Variants in CRYBG1 observed in about 807,000 individuals in gnomAD.
CRYBG1 encodes beta/gamma crystallin domain-containing protein 1.
CRYBG1 carries 139 observed loss-of-function variants against 189.2 expected under a neutral mutation model. That is an observed-to-expected ratio of 0.73 (90% CI 0.64 to 0.85). The LOEUF (loss-of-function observed/expected upper bound fraction) is 0.85. CRYBG1 is among the 40% of genes least tolerant of loss of function. CRYBG1 has a pLI of 0.00. For missense variants in CRYBG1, 2,611 were observed against 2,675.8 expected (o/e 0.98, Z 0.53); for synonymous variants, 1,023 against 1,017.1 (o/e 1.01, Z -0.11).
intron 1 of CRYBG1, among the ~76,000 whole-genome samples, chr6:106,407,227 G>T (rs1234999311): frequency 6.6e-6 from 1 of 151,998 alleles, no homozygotes; most frequent in African/African-American, 2.4e-5. Flanking sequence ...AAAAGCAGGG[G>T]TTGCAATCCT....
intron 2 of CRYBG1, among the ~76,000 whole-genome samples, chr6:106,467,260 C>T (rs1015639120): frequency 6.6e-6 from 1 of 151,696 alleles, no homozygotes; most frequent in African/African-American, 2.4e-5. Context: ...CTCAGGAATT[C>T]GAGACCAGCA....
chr6:106,402,569 T>C (rs1288699408), intron 1 of CRYBG1, among the ~76,000 whole-genome samples: 1 of 138,962 alleles, frequency 7.2e-6, no homozygotes. Context: ...ATTTAATAAA[T>C]GGTGCTGGGA....
At chr6:106,429,872 T>C (rs1295575209) in intron 1 of CRYBG1, among the ~76,000 whole-genome samples, 1 of 152,242 alleles carries the variant, frequency 6.6e-6, no homozygotes. Flanking sequence ...AATGTAGTTA[T>C]TACTATTAAA....
chr6:106,512,567 C>T lies in CRYBG1; in HGVS notation c.1450C>T (p.Pro484Ser), dbSNP rs751459745. The T allele has an allele frequency of 3.7e-6, 6 of 1,607,158 alleles. No individual in the cohort carries two copies. Among genetic ancestry groups the T allele is most frequent in the Middle Eastern group, 1.7e-4 (1 of 6,050 alleles). The change falls in exon 3 of 22, where the codon CCA becomes TCA. Residue 484 changes from proline (P) to serine (S), a missense_variant. Physicochemically the swap from Pro to Ser is moderately conservative, Grantham distance 74. This residue lies in a region of CRYBG1 where 985 missense variants were observed against 924.4 expected (regional missense o/e 1.07). Coordinates refer to ENST00000633556, the MANE Select transcript of CRYBG1 (RefSeq NM_001371242.2). ...LDGGVASAAS[P>S]ESKPSPGTKG... is the part of the protein sequence containing the mutation. ...CGGGGGCGTTGCCTCCGCTGCGAGC[C>T]CAGAGTCCAAGCCCAGCCCCGGTAC...
chr6:106,387,641 C>T (rs1009633621), intron 1 of CRYBG1, among the ~76,000 whole-genome samples: 4 of 152,138 alleles, frequency 2.6e-5, no homozygotes, highest in Admixed American at 6.5e-5. Context: ...TCTGCTCAAC[C>T]CCAGATGGAT....
chr6:106,368,495 C>T (rs1769947749), intron 1 of CRYBG1, among the ~76,000 whole-genome samples: 1 of 152,142 alleles, frequency 6.6e-6, no homozygotes, highest in Admixed American at 6.5e-5. Context: ...GTATGACTGT[C>T]TAATGCTTGT....
intron 2 of CRYBG1, among the ~76,000 whole-genome samples, chr6:106,472,335 G>A (rs1038083949): frequency 1.3e-5 from 2 of 152,086 alleles, no homozygotes; most frequent in Non-Finnish European, 2.9e-5. Context: ...TATAACACTT[G>A]GCTGTCTAGA....
intron 2 of CRYBG1, among the ~76,000 whole-genome samples, chr6:106,476,656 C>T (rs1427640585): frequency 6.6e-6 from 1 of 151,994 alleles, no homozygotes; most frequent in African/African-American, 2.4e-5. Flanking sequence ...TATATTCCTC[C>T]TCCCCATGAA....
intron 2 of CRYBG1, among the ~76,000 whole-genome samples, chr6:106,506,720 T>C (rs1298955090): frequency 6.6e-6 from 1 of 152,154 alleles, no homozygotes; most frequent in African/African-American, 2.4e-5. Flanking sequence ...CCCAAAATGC[T>C]GGGATTACAG....
intron 1 of CRYBG1, among the ~76,000 whole-genome samples, chr6:106,381,454 GAC>G (rs1198640192): frequency 6.6e-6 from 1 of 152,168 alleles, no homozygotes; most frequent in African/African-American, 2.4e-5. Context: ...TCCAGTGAAA[GAC>G]AGTTTTACTG....
At chr6:106,477,993 G>A (rs1337093905) in intron 2 of CRYBG1, among the ~76,000 whole-genome samples, 1 of 152,274 alleles carries the variant, frequency 6.6e-6, no homozygotes, top group Non-Finnish European at 1.5e-5. Context: ...GTACAAAGGA[G>A]GAGGGCACGG....
At position 106,568,992 on chromosome 6, in the gene CRYBG1, T is replaced by TGAAA. The variant is rs1774979911; in HGVS notation, c.*428_*431dup. On this transcript the variant is annotated 3_prime_UTR_variant, in exon 22 of 22. Coordinates refer to ENST00000633556, the MANE Select transcript of CRYBG1 (RefSeq NM_001371242.2). The stretch of plus-strand genomic sequence containing the variant: ...AAAGGGTAAGACAAAGGCTTAAGTT[T>TGAAA]GAAAGGTAGAGAACTGTTTAGCATC... 1 of 162,058 alleles carries TGAAA rather than the reference T, an allele frequency of 6.2e-6. No homozygotes were observed. Among genetic ancestry groups the TGAAA allele is most frequent in the Non-Finnish European group, 1.4e-5 (1 of 73,598 alleles). 10.0% of individuals were successfully genotyped at this position (162,058 alleles called of 1,614,324 possible).
At chr6:106,377,645 A>ATATATATATATATATATATATATT (rs1562290483) in intron 1 of CRYBG1, among the ~76,000 whole-genome samples, 3 of 136,848 alleles carry the variant, frequency 2.2e-5, no homozygotes, top group African/African-American at 8.1e-5. Context: ...ATATATATAT[A>ATATATATATATATATATATATATT]TATTTTCATT....
At chr6:106,541,151 G>C (rs1304395199) in intron 9 of CRYBG1, 1 of 440,216 alleles carries the variant, frequency 2.3e-6, no homozygotes, top group Non-Finnish European at 4.6e-6. Context: ...AAACCGAAGG[G>C]AATGGTAGAG....
At chr6:106,454,026 C>T (rs1771835791) in intron 2 of CRYBG1, among the ~76,000 whole-genome samples, 1 of 152,148 alleles carries the variant, frequency 6.6e-6, no homozygotes, top group Non-Finnish European at 1.5e-5. Flanking sequence ...TGTCTCTACT[C>T]TCTACTCACT....
At chr6:106,480,049 C>T (rs1427854161) in intron 2 of CRYBG1, among the ~76,000 whole-genome samples, 2 of 152,064 alleles carry the variant, frequency 1.3e-5, no homozygotes, top group Non-Finnish European at 2.9e-5. Context: ...TTAGCTCCTC[C>T]ATTTAGGTCT....
chr6:106,558,856 A>G (rs1441969970), intron 18 of CRYBG1, among the ~76,000 whole-genome samples: 1 of 152,116 alleles, frequency 6.6e-6, no homozygotes, highest in African/African-American at 2.4e-5. Context: ...CCAGCTACGT[A>G]GGAGGCTGAG....
rs1774316807 is a variant in CRYBG1 at position 106,548,583 on chromosome 6, C to T, written c.5313-3269C>T. 3.3e-5 allele frequency among the ~76,000 whole-genome samples: 5 copies of T among 152,246 alleles called. No homozygotes were observed. In the South Asian group the frequency reaches 8.3e-4, roughly 25 times the overall value. The stretch of plus-strand genomic sequence containing the variant: ...CTCACTGTCTTTTTTCCCTCCAAAC[C>T]TTGAAGTCAAACAGAAAGGCCTTTA... On this transcript the variant is annotated intron_variant, in intron 13 of 21. Coordinates refer to ENST00000633556, the MANE Select transcript of CRYBG1 (RefSeq NM_001371242.2).
intron 1 of CRYBG1, among the ~76,000 whole-genome samples, chr6:106,361,987 C>CTTTCTTTCTTTCTTTCTTTCTT (rs1771882848): frequency 5.7e-4 from 6 of 10,592 alleles, no homozygotes; most frequent in East Asian, 4.8e-3. Flanking sequence ...TTTTTTTTTT[C>CTTTCTTTCTTTCTTTCTTTCTT]TGAGACGGAG....
Sources: gnomAD v4.1 joint callset for allele counts (sites outside exome capture counted in the v4.1 genomes callset) on GRCh38, gnomAD v4.1.1 for gene constraint, gnomAD v4.1.1 regional missense constraint, MANE v1.5 for transcripts, NCBI Gene and HGNC (gene_info 2026-07-23, HGNC 2026-07-21) for gene names.